Variants in MBD5 observed in about 807,000 individuals in gnomAD.
MBD5 encodes methyl-CpG binding domain protein 5, also known as methyl-CpG-binding domain protein 5.
A neutral mutation model predicts 117.3 loss-of-function variants in MBD5; 13 were observed. The observed-to-expected ratio is 0.11, with a 90% CI of 0.07 to 0.18. The LOEUF is 0.18. Among genes scored for constraint, MBD5 ranks in the 10% least tolerant of loss-of-function variants. The pLI is 1.00. For missense variants in MBD5, 1,879 were observed against 2,093.8 expected (o/e 0.90, Z 2.00); for synonymous variants, 727 against 766.4 (o/e 0.95, Z 0.85).
intron 1 of MBD5, among the ~76,000 whole-genome samples, chr2:148,149,649 G>A (rs1574067785): frequency 6.6e-6 from 1 of 152,038 alleles, no homozygotes; most frequent in African/African-American, 2.4e-5. Flanking sequence ...GTGTGAGATG[G>A]TATCTCATTG....
At chr2:148,480,194 A>G (rs1347884511) in intron 8 of MBD5, among the ~76,000 whole-genome samples, 1 of 152,114 alleles carries the variant, frequency 6.6e-6, no homozygotes, top group Non-Finnish European at 1.5e-5. Context: ...GTTATTCACC[A>G]CTTTCTTGAT....
At chr2:148,182,509 GT>G (rs746357973) in intron 2 of MBD5, among the ~76,000 whole-genome samples, 1 of 151,984 alleles carries the variant, frequency 6.6e-6, no homozygotes, top group Non-Finnish European at 1.5e-5. Context: ...TATTTTCCTC[GT>G]TTGGTTTTAT....
intron 1 of MBD5, among the ~76,000 whole-genome samples, chr2:148,116,752 T>G (rs73964327): frequency 0.011 from 1,646 of 152,358 alleles, 37 homozygotes; most frequent in African/African-American, 0.037. Context: ...TACTGATTGC[T>G]CACATTGATC....
At chr2:148,044,142 G>A (rs1694452306) in intron 1 of MBD5, among the ~76,000 whole-genome samples, 1 of 152,180 alleles carries the variant, frequency 6.6e-6, no homozygotes, top group African/African-American at 2.4e-5. Flanking sequence ...GTAAATCAAT[G>A]CTTTTAAGAT....
chr2:148,336,109 C>T (rs1307318196), intron 3 of MBD5, among the ~76,000 whole-genome samples: 1 of 152,194 alleles, frequency 6.6e-6, no homozygotes, highest in African/African-American at 2.4e-5. Flanking sequence ...AGAAAATCCA[C>T]CATTCTATTT....
intron 1 of MBD5, among the ~76,000 whole-genome samples, chr2:148,178,348 A>AT (rs1698437166): frequency 6.6e-6 from 1 of 152,146 alleles, no homozygotes; most frequent in Admixed American, 6.5e-5. Flanking sequence ...CAGGGAAACT[A>AT]TTTTTTAGAA....
intron 1 of MBD5, among the ~76,000 whole-genome samples, chr2:148,128,831 A>T (rs1696964058): frequency 6.6e-6 from 1 of 152,204 alleles, no homozygotes; most frequent in African/African-American, 2.4e-5. Flanking sequence ...AGAAAAAAAA[A>T]CTTAGTTAAA....
intron 4 of MBD5, among the ~76,000 whole-genome samples, chr2:148,431,968 C>T (rs1024345190): frequency 1.3e-5 from 2 of 152,132 alleles, no homozygotes; most frequent in African/African-American, 2.4e-5. Context: ...AAACTGCTTT[C>T]CACAATGGCT....
intron 4 of MBD5, among the ~76,000 whole-genome samples, chr2:148,404,683 G>A (rs977728123): frequency 6.6e-6 from 1 of 152,144 alleles, no homozygotes; most frequent in Admixed American, 6.6e-5. Flanking sequence ...ATTTCTGAGG[G>A]ACTGCGCCTT....
At chr2:148,021,714 T>C in intron 1 of MBD5, 30 bp downstream of exon 1, 1 of 325,718 alleles carries the variant, frequency 3.1e-6, no homozygotes, top group Non-Finnish European at 6.2e-6. Flanking sequence ...CTTCATTGCC[T>C]TCCTCTGGCT....
intron 3 of MBD5, among the ~76,000 whole-genome samples, chr2:148,243,137 A>T (rs1700253608): frequency 6.7e-6 from 1 of 148,678 alleles, no homozygotes. Flanking sequence ...CACCAAAAAA[A>T]AAAAACTGCT....
intron 4 of MBD5, among the ~76,000 whole-genome samples, chr2:148,442,894 A>T (rs1349226369): frequency 6.6e-6 from 1 of 151,470 alleles, no homozygotes; most frequent in African/African-American, 2.5e-5. Flanking sequence ...ATGGACAAAT[A>T]GGACCACATC....
chr2:148,299,321 T>A (rs1339795071), intron 3 of MBD5, among the ~76,000 whole-genome samples: 1 of 152,036 alleles, frequency 6.6e-6, no homozygotes, highest in African/African-American at 2.4e-5. Context: ...AGAGACAGGT[T>A]TCCTCCCTGT....
intron 4 of MBD5, among the ~76,000 whole-genome samples, chr2:148,413,966 CTTAAT>C (rs1292208611): frequency 6.9e-6 from 1 of 144,500 alleles, no homozygotes; most frequent in Non-Finnish European, 1.5e-5. Flanking sequence ...TTTTTTGCCT[CTTAAT>C]TTATTTCATT....
At chr2:148,090,819 A>G (rs1308025292) in intron 1 of MBD5, among the ~76,000 whole-genome samples, 1 of 152,158 alleles carries the variant, frequency 6.6e-6, no homozygotes, top group Non-Finnish European at 1.5e-5. Context: ...CTTCTATTCA[A>G]CATAGTGAAT....
intron 4 of MBD5, among the ~76,000 whole-genome samples, chr2:148,370,595 C>A (rs142233552): frequency 6.6e-6 from 1 of 152,046 alleles, no homozygotes; most frequent in African/African-American, 2.4e-5. Flanking sequence ...CTCAAGTGAT[C>A]CTGCTGCCTC....
At chr2:148,462,776 C>T in intron 6 of MBD5, 92 bp downstream of exon 6, 1 of 801,914 alleles carries the variant, frequency 1.2e-6, no homozygotes, top group Non-Finnish European at 2.1e-6. Context: ...TTTTTTATTA[C>T]TTCTCCAATC....
At chr2:148,291,607 T>C (rs938687695) in intron 3 of MBD5, among the ~76,000 whole-genome samples, 1 of 152,204 alleles carries the variant, frequency 6.6e-6, no homozygotes, top group Non-Finnish European at 1.5e-5. Flanking sequence ...TTGCTGAACT[T>C]GTTAATTTTT....
At chr2:148,432,597 A>T (rs1706023668) in intron 4 of MBD5, among the ~76,000 whole-genome samples, 1 of 152,032 alleles carries the variant, frequency 6.6e-6, no homozygotes, top group Non-Finnish European at 1.5e-5. Context: ...CTAGACAATT[A>T]TCCCGTCAAC....
Sources: allele counts gnomAD v4.1 joint callset (sites outside exome capture counted in the v4.1 genomes callset), GRCh38; gene constraint gnomAD v4.1.1; transcripts MANE v1.5; gene names NCBI Gene and HGNC (gene_info 2026-07-23, HGNC 2026-07-21).